Variants in NRG3 observed in about 807,000 individuals in gnomAD.
The protein encoded by NRG3 is neuregulin 3, also known as pro-neuregulin-3, membrane-bound isoform.
In NRG3, 31 loss-of-function variants were observed where a neutral mutation model predicts 66.9. That is an observed-to-expected ratio of 0.46 (90% CI 0.35 to 0.63). NRG3 has a LOEUF of 0.63. Ranked by LOEUF, NRG3 falls within the 20% of genes least tolerant of loss-of-function variation. NRG3 has a pLI of 0.00. For missense variants in NRG3, 910 were observed against 878.9 expected, an observed-to-expected ratio of 1.04 and a Z score of -0.45; for synonymous variants, 393 against 359.4, an observed-to-expected ratio of 1.09 and a Z score of -1.06.
At chr10:82,070,606 A>G (rs955216980) in intron 1 of NRG3, among the ~76,000 whole-genome samples, 11 of 152,174 alleles carry the variant, frequency 7.2e-5, no homozygotes, top group Non-Finnish European at 1.3e-4. Context: ...AATGACATTA[A>G]TTACAGAATA....
intron 1 of NRG3, among the ~76,000 whole-genome samples, chr10:82,304,983 CTTTTTTTTTTTTTTTTT>C (rs760661674): frequency 1.4e-5 from 1 of 73,832 alleles, no homozygotes; most frequent in Admixed American, 1.8e-4. Flanking sequence ...TCAGATTCCT[CTTTTTTTTTTTTTTTTT>C]TTTTTTTTTT....
chr10:82,842,839 G>A (rs1475589745), intron 3 of NRG3, among the ~76,000 whole-genome samples: 1 of 152,204 alleles, frequency 6.6e-6, no homozygotes, highest in East Asian at 1.9e-4. Flanking sequence ...TCCTGCCTCA[G>A]CCTGTGGCGT....
At chr10:82,857,204 A>G (rs2063855738) in intron 3 of NRG3, among the ~76,000 whole-genome samples, 1 of 152,320 alleles carries the variant, frequency 6.6e-6, no homozygotes, top group Non-Finnish European at 1.5e-5. Context: ...CTGTATACCA[A>G]TATGGGGGTG....
At chr10:82,074,837 C>T (rs2065002558) in intron 1 of NRG3, among the ~76,000 whole-genome samples, 3 of 152,134 alleles carry the variant, frequency 2.0e-5, no homozygotes. Context: ...ACCCTGTCCC[C>T]TCCCACACCA....
chr10:81,936,708 G>A (rs952858697), intron 1 of NRG3, among the ~76,000 whole-genome samples: 6 of 152,098 alleles, frequency 3.9e-5, no homozygotes, highest in Admixed American at 2.6e-4. Context: ...CCCTGCTATA[G>A]TCAGGGTATG....
In NRG3 at chr10:82,354,014, C is replaced by CTTTTTTTTTTTTT. The variant is rs869307444; in HGVS notation, c.824-4714_824-4702dup. On this transcript the variant is annotated intron_variant, in intron 1 of 8. Transcript: ENST00000372141. ...AATAGAGTTTTTGTTCACTATAACA[C>CTTTTTTTTTTTTT]TTTTTTTTTTTTTTTTTTTTTTTCC... Among the ~76,000 whole-genome samples, 8 of 112,600 alleles carry CTTTTTTTTTTTTT rather than the reference C, an allele frequency of 7.1e-5. 1 individual carries two copies. The highest frequency in any genetic ancestry group is 1.5e-4 in the African/African-American group (4 of 26,458). 73.9% of individuals were successfully genotyped at this position (112,600 alleles called of 152,430 possible).
intron 1 of NRG3, among the ~76,000 whole-genome samples, chr10:82,354,745 A>G (rs1444630963): frequency 6.6e-6 from 1 of 152,128 alleles, no homozygotes; most frequent in Non-Finnish European, 1.5e-5. Flanking sequence ...CATGCCATCC[A>G]TAAGCCCAAG....
At chr10:82,054,871 G>A (rs1385428904) in intron 1 of NRG3, among the ~76,000 whole-genome samples, 8 of 151,350 alleles carry the variant, frequency 5.3e-5, no homozygotes, top group Non-Finnish European at 8.8e-5. Flanking sequence ...GTGGTGGTGT[G>A]TGCCTGTAGT....
chr10:82,051,408 T>C (rs1192500783), intron 1 of NRG3, among the ~76,000 whole-genome samples: 1 of 152,112 alleles, frequency 6.6e-6, no homozygotes, highest in African/African-American at 2.4e-5. Context: ...TAAGAGTCTC[T>C]GATCCCGTGA....
At chr10:82,614,141 G>A (rs1039115533) in intron 2 of NRG3, among the ~76,000 whole-genome samples, 1 of 152,010 alleles carries the variant, frequency 6.6e-6, no homozygotes, top group Admixed American at 6.5e-5. Context: ...CTTGTGATCC[G>A]CCTGCCTTGG....
At chr10:82,902,017 G>C (rs1334851951) in intron 4 of NRG3, among the ~76,000 whole-genome samples, 1 of 152,096 alleles carries the variant, frequency 6.6e-6, no homozygotes, top group Non-Finnish European at 1.5e-5. Flanking sequence ...AAATGGATAG[G>C]TAAATATATA....
At chr10:82,042,459 C>T (rs1458657343) in intron 1 of NRG3, among the ~76,000 whole-genome samples, 2 of 151,998 alleles carry the variant, frequency 1.3e-5, no homozygotes, top group East Asian at 3.9e-4. Context: ...TTTAGAATTA[C>T]TGATCAATTT....
chr10:82,438,981 C>T (rs1269807861), intron 2 of NRG3, among the ~76,000 whole-genome samples: 2 of 151,730 alleles, frequency 1.3e-5, no homozygotes, highest in South Asian at 4.2e-4. Flanking sequence ...TAGTCGGCCA[C>T]CTTGGTCCTG....
At chr10:82,427,751 C>A (rs967032071) in intron 2 of NRG3, among the ~76,000 whole-genome samples, 2 of 152,010 alleles carry the variant, frequency 1.3e-5, no homozygotes, top group Admixed American at 6.6e-5. Flanking sequence ...TCTTCCTCTT[C>A]CTTTATTTTT....
At chr10:82,002,445 A>T (rs1464764735) in intron 1 of NRG3, among the ~76,000 whole-genome samples, 1 of 152,200 alleles carries the variant, frequency 6.6e-6, no homozygotes, top group African/African-American at 2.4e-5. Context: ...TGGTAGAAAA[A>T]TGTAAAATTT....
chr10:82,257,577 C>T (rs1221214357), intron 1 of NRG3, among the ~76,000 whole-genome samples: 1 of 152,080 alleles, frequency 6.6e-6, no homozygotes, highest in Non-Finnish European at 1.5e-5. Flanking sequence ...CCAGACCAGC[C>T]TGGCCAACAT....
Position 82,151,298 on chromosome 10 carries a change from T to A in NRG3, c.824-207441T>A, listed in dbSNP as rs1346328381. 3.9e-5 allele frequency among the ~76,000 whole-genome samples: 6 copies of A among 152,328 alleles called. No individual in the cohort carries two copies. The East Asian group carries it at 1.2e-3, about 29-fold the overall frequency. Reference sequence around the variant, plus strand: ...TGCATGACTAAGAATTAATTTGGGATGGTCTTCAGGTGGAATGATTGGAAA... The same window carrying A: ...TGCATGACTAAGAATTAATTTGGGAAGGTCTTCAGGTGGAATGATTGGAAA... On this transcript the variant is annotated intron_variant, in intron 1 of 8. Transcript: ENST00000372141.
chr10:82,761,938 T>TTC (rs764685155), intron 3 of NRG3, among the ~76,000 whole-genome samples: 2 of 137,604 alleles, frequency 1.5e-5, no homozygotes, highest in Non-Finnish European at 3.3e-5. Flanking sequence ...CTTTCTTTCT[T>TTC]TCTTTCTTTC....
intron 4 of NRG3, among the ~76,000 whole-genome samples, chr10:82,875,537 T>C (rs1232967572): frequency 6.6e-6 from 1 of 152,112 alleles, no homozygotes; most frequent in Non-Finnish European, 1.5e-5. Context: ...TTTTATTTTT[T>C]TGTAGAGATG....
Sources: gnomAD v4.1 joint callset for allele counts (sites outside exome capture counted in the v4.1 genomes callset) on GRCh38, gnomAD v4.1.1 for gene constraint, MANE v1.5 for transcripts, NCBI Gene and HGNC (gene_info 2026-07-23, HGNC 2026-07-21) for gene names.